The following TNFRSF19 variants were observed in gnomAD, a reference collection of about 807,000 sequenced individuals.
TNFRSF19 encodes TNF receptor superfamily member 19.
A neutral mutation model predicts 46.4 loss-of-function variants in TNFRSF19; 27 were observed. That is an observed-to-expected ratio of 0.58 (90% CI 0.43 to 0.80). The LOEUF (loss-of-function observed/expected upper bound fraction) is 0.80, where lower values mean the gene tolerates loss of function less well. Among genes scored for constraint, TNFRSF19 ranks in the 30% least tolerant of loss-of-function variants. The probability of loss-of-function intolerance (pLI) is 0.00; values close to 1 mark genes in which losing one functional copy is unlikely to be tolerated. For missense variants in TNFRSF19, 511 were observed against 530.8 expected (o/e 0.96, Z 0.37); for synonymous variants, 204 against 205.0 (o/e 1.00, Z 0.04).
Position 23,659,486 on chromosome 13 carries a change from C to T in TNFRSF19, c.610+272C>T, listed in dbSNP as rs185633943. On this transcript the variant is annotated intron_variant, in intron 6 of 9. Coordinates refer to ENST00000248484, the MANE Select transcript of TNFRSF19 (RefSeq NM_148957.4). This position sits in a 1 kb window ranked among gnomAD's most constrained non-coding sequence, Gnocchi z 4.9. ...ACTGATAAACAGTTGGTTAATACAT[C>T]TTGTTTATTATATGTTTCTTTGTTT... 1.5e-4 allele frequency among the ~76,000 whole-genome samples: 23 copies of T among 152,180 alleles called. No individual in the cohort carries two copies. The highest frequency in any genetic ancestry group is 5.3e-4 in the African/African-American group (22 of 41,522).
rs1419151304 is a variant in TNFRSF19 at position 23,669,102 on chromosome 13, G to A, written c.1245+5G>A. 1 of 1,612,774 alleles carries A rather than the reference G, an allele frequency of 6.2e-7. No homozygotes were observed. The highest frequency in any genetic ancestry group is 8.5e-7 in the Non-Finnish European group (1 of 1,179,466). Reference sequence around the variant, plus strand: ...GCCACTCAGACGTCCCTCCAGGTAAGGCAGCGACTGGGTTCCCTGTGAACA... The same window carrying A: ...GCCACTCAGACGTCCCTCCAGGTAAAGCAGCGACTGGGTTCCCTGTGAACA... On this transcript the variant is annotated splice_donor_5th_base_variant and intron_variant, in intron 9 of 9. Transcript: ENST00000248484.
intron 1 of TNFRSF19, among the ~76,000 whole-genome samples, chr13:23,573,987 G>A (rs565708430): frequency 4.6e-5 from 7 of 151,276 alleles, no homozygotes; most frequent in Admixed American, 2.0e-4. Context: ...GTGTGAACCC[G>A]GGAGGCAGAG....
intron 2 of TNFRSF19, 137 bp from the exon 3 acceptor site, chr13:23,593,208 A>G (rs1281682431): frequency 1.9e-5 from 10 of 521,080 alleles, no homozygotes; most frequent in African/African-American, 1.4e-4. Flanking sequence ...TTCTTCCTAA[A>G]GTGAACATTG....
chr13:23,639,507 GCA>G (rs1882904431), intron 5 of TNFRSF19, among the ~76,000 whole-genome samples: 1 of 152,240 alleles, frequency 6.6e-6, no homozygotes. Context: ...GCCCTGCTGT[GCA>G]CAGTTATAGC....
Position 23,613,317 on chromosome 13 carries a change from C to A in TNFRSF19, c.181-2550C>A, listed in dbSNP as rs188560432. Among the ~76,000 whole-genome samples the A allele has an allele frequency of 2.6e-5, 4 of 152,288 alleles. No homozygotes were observed. The East Asian group carries it at 7.7e-4, about 29-fold the overall frequency. ...AACCTTTAGGGCAGGTATTCTTATC[C>A]CCATCTCACAGATGAAGAGACTGAG... On this transcript the variant is annotated intron_variant, in intron 3 of 9. Transcript: ENST00000248484.
chr13:23,662,549 T>C (rs926549341), intron 7 of TNFRSF19, among the ~76,000 whole-genome samples: 1 of 152,232 alleles, frequency 6.6e-6, no homozygotes, highest in Admixed American at 6.5e-5. Context: ...AATAGGTTTT[T>C]CCTAGTTCTG....
chr13:23,601,824 A>T (rs1880183119), intron 3 of TNFRSF19, among the ~76,000 whole-genome samples: 1 of 152,328 alleles, frequency 6.6e-6, no homozygotes, highest in Middle Eastern at 3.4e-3. Flanking sequence ...TTATAAATGT[A>T]TAGTGCAACC....
intron 5 of TNFRSF19, among the ~76,000 whole-genome samples, chr13:23,648,855 T>C (rs1883475682): frequency 6.6e-6 from 1 of 152,220 alleles, no homozygotes; most frequent in Admixed American, 6.5e-5. Flanking sequence ...TTTTCCCCTT[T>C]ATTTTATTAT....
chr13:23,667,042 G>C (rs544099511), intron 7 of TNFRSF19, among the ~76,000 whole-genome samples: 1 of 151,438 alleles, frequency 6.6e-6, no homozygotes, highest in African/African-American at 2.4e-5. Context: ...ATTTCTCCAA[G>C]TCTTCCTTTG....
intron 3 of TNFRSF19, among the ~76,000 whole-genome samples, chr13:23,614,185 T>C (rs1037370393): frequency 1.3e-5 from 2 of 152,136 alleles, no homozygotes; most frequent in Non-Finnish European, 2.9e-5. Flanking sequence ...CACCCTTTTC[T>C]CCTCACTTCT....
chr13:23,610,767 C>T (rs1389390477), intron 3 of TNFRSF19, among the ~76,000 whole-genome samples: 2 of 152,014 alleles, frequency 1.3e-5, no homozygotes, highest in African/African-American at 4.8e-5. Context: ...GGGTTGTTCA[C>T]TTCTCATATG....
chr13:23,600,195 A>G (rs1264442817), intron 3 of TNFRSF19, among the ~76,000 whole-genome samples: 2 of 152,218 alleles, frequency 1.3e-5, no homozygotes, highest in East Asian at 3.8e-4. Flanking sequence ...GATTTCATAT[A>G]TATGAGGAAT....
At chr13:23,633,783 A>C (rs1882504590) in intron 5 of TNFRSF19, among the ~76,000 whole-genome samples, 1 of 152,230 alleles carries the variant, frequency 6.6e-6, no homozygotes, top group Admixed American at 6.5e-5. Flanking sequence ...CGGGAGGCGG[A>C]GGTTGCAGTG....
intron 1 of TNFRSF19, chr13:23,579,209 G>A (rs6490807): frequency 0.64 from 97,476 of 152,370 alleles, 31,707 homozygotes; most frequent in African/African-American, 0.73. Flanking sequence ...AAAGAACCCA[G>A]CTGCAGAGCA....
chr13:23,612,663 G>T (rs1421936742), intron 3 of TNFRSF19, among the ~76,000 whole-genome samples: 1 of 152,012 alleles, frequency 6.6e-6, no homozygotes. Context: ...TTACATTTTT[G>T]AAAATAGTAA....
chr13:23,655,747 C>T (rs1005663073), intron 5 of TNFRSF19, among the ~76,000 whole-genome samples: 4 of 151,410 alleles, frequency 2.6e-5, no homozygotes, highest in Non-Finnish European at 5.9e-5. Context: ...TGCCCCCCCC[C>T]CTTATTTTTG....
At chr13:23,585,208 G>T (rs1878734242) in intron 1 of TNFRSF19, among the ~76,000 whole-genome samples, 1 of 152,092 alleles carries the variant, frequency 6.6e-6, no homozygotes, top group Non-Finnish European at 1.5e-5. Context: ...TGTGAATACA[G>T]TTTTTTTGAT....
At chr13:23,584,076 T>C (rs1164096006) in intron 1 of TNFRSF19, among the ~76,000 whole-genome samples, 1 of 152,204 alleles carries the variant, frequency 6.6e-6, no homozygotes, top group Non-Finnish European at 1.5e-5. Flanking sequence ...TTTTTATTTA[T>C]CTATTTTTTC....
chr13:23,639,315 C>A (rs1238504148), intron 5 of TNFRSF19, among the ~76,000 whole-genome samples: 2 of 152,168 alleles, frequency 1.3e-5, no homozygotes, highest in Non-Finnish European at 2.9e-5. Context: ...ATCATTTGAA[C>A]CCGGGAGGCA....
Sources: allele counts gnomAD v4.1 joint callset (sites outside exome capture counted in the v4.1 genomes callset), GRCh38; gene constraint gnomAD v4.1.1; non-coding constraint Gnocchi (gnomAD v3.1); transcripts MANE v1.5; gene names NCBI Gene and HGNC (gene_info 2026-07-23, HGNC 2026-07-21).